Variants in ENOX2 observed in about 807,000 individuals in gnomAD.
ENOX2 encodes ecto-NOX disulfide-thiol exchanger 2, also known as APK1 antigen.
ENOX2 carries 36 observed loss-of-function variants against 45.0 expected under a neutral mutation model. The ratio of observed to expected loss-of-function variants is 0.80; its 90% confidence interval spans 0.61 to 1.06. The LOEUF is 1.06. Ranked by LOEUF, ENOX2 falls within the 50% of genes least tolerant of loss-of-function variation. The probability of loss-of-function intolerance (pLI) is 0.00; values close to 1 mark genes in which losing one functional copy is unlikely to be tolerated. For missense variants in ENOX2, 423 were observed against 462.5 expected (o/e 0.91, Z 0.78); for synonymous variants, 174 against 152.3 (o/e 1.14, Z -1.05).
At chrX:130,827,633 T>C (rs2077742639) in intron 2 of ENOX2, among the ~76,000 whole-genome samples, 2 of 111,917 alleles carry the variant, frequency 1.8e-5, no homozygotes, top group Non-Finnish European at 3.8e-5. Flanking sequence ...ACTTAATAAA[T>C]ATCTGTTGAC....
intron 5 of ENOX2, among the ~76,000 whole-genome samples, chrX:130,682,340 T>C (rs776928626): frequency 1.2e-4 from 13 of 109,136 alleles, no homozygotes; most frequent in Admixed American, 2.9e-4. Flanking sequence ...TTAAAAATTC[T>C]TTGGGGGGCT....
intron 2 of ENOX2, among the ~76,000 whole-genome samples, chrX:130,858,176 G>A (rs1356714658): frequency 9.6e-6 from 1 of 103,944 alleles, no homozygotes; most frequent in Non-Finnish European, 2.0e-5. Flanking sequence ...GTGCAATGGC[G>A]CAATTTCGGC....
At chrX:130,812,988 T>A (rs759548457) in intron 2 of ENOX2, among the ~76,000 whole-genome samples, 118 of 112,113 alleles carry the variant, frequency 1.1e-3, no homozygotes, top group African/African-American at 3.4e-3. Flanking sequence ...AAATCCAAAA[T>A]TTTTTGAGCA....
At chrX:130,670,731 A>C (rs2148127781) in intron 6 of ENOX2, among the ~76,000 whole-genome samples, 1 of 109,449 alleles carries the variant, frequency 9.1e-6, no homozygotes, top group African/African-American at 3.3e-5. Context: ...TTTTTTCTAA[A>C]AAAAAAAAAA....
Position 130,667,649 on chromosome X carries a change from A to G in ENOX2, c.788T>C (p.Met263Thr). The G allele has an allele frequency of 8.3e-7, 1 of 1,211,290 alleles. No individual in the cohort carries two copies. Among genetic ancestry groups the G allele is most frequent in the East Asian group, 3.0e-5 (1 of 33,851 alleles). Residue 263 changes from methionine to threonine, a missense_variant, in exon 8 of 15, where the codon ATG (methionine) becomes ACG (threonine). Coordinates refer to ENST00000394363, the MANE Select transcript of ENOX2 (RefSeq NM_006375.4). ...GACATGGCTGTTGGCCGACTGGATC[A>G]TGGAGTAGAAGTTATTGGCGCTACG... ...NRRSANNFYS[M>T]IQSANSHVRR...
intron 10 of ENOX2, among the ~76,000 whole-genome samples, chrX:130,640,370 C>T (rs986089570): frequency 1.8e-5 from 2 of 112,343 alleles, no homozygotes; most frequent in African/African-American, 6.5e-5. Context: ...GGTGAATCCT[C>T]AAAGACCTAG....
chrX:130,632,131 GT>G (rs1448374925), intron 12 of ENOX2, among the ~76,000 whole-genome samples: 1 of 111,095 alleles, frequency 9.0e-6, no homozygotes, highest in Non-Finnish European at 1.9e-5. Context: ...TCAACTGTTG[GT>G]TTTTGAACTA....
At position 130,838,617 on chromosome X, in the gene ENOX2, ATCTTTGTTTCAT is replaced by A. The variant is rs760539402; in HGVS notation, c.-182-54939_-182-54928del. Among the ~76,000 whole-genome samples the A allele has an allele frequency of 7.3e-4, 81 of 111,681 alleles. 2 individuals carry two copies. The South Asian group carries it at 0.031, about 42-fold the overall frequency. On this transcript the variant is annotated intron_variant, in intron 2 of 14. Coordinates refer to ENST00000394363, the MANE Select transcript of ENOX2 (RefSeq NM_006375.4). ...TGGTAGTGTTTTCCAGCCCCTGGCC[ATCTTTGTTTCAT>A]TCTAGTCTGTCAAGTATCTTTCTTA... is the stretch of plus-strand genomic sequence containing the variant.
intron 2 of ENOX2, among the ~76,000 whole-genome samples, chrX:130,856,854 TA>T (rs762887551): frequency 9.0e-6 from 1 of 111,573 alleles, no homozygotes; most frequent in East Asian, 2.8e-4. Flanking sequence ...AAGAAGTATC[TA>T]AAAAATATAA....
intron 2 of ENOX2, among the ~76,000 whole-genome samples, chrX:130,856,507 G>C (rs978068328): frequency 1.8e-5 from 2 of 111,535 alleles, no homozygotes; most frequent in South Asian, 7.5e-4. Flanking sequence ...GGAGTGGCTT[G>C]ATTCACTATT....
At chrX:130,653,875 G>A (rs764427218) in intron 10 of ENOX2, among the ~76,000 whole-genome samples, 62 of 112,066 alleles carry the variant, frequency 5.5e-4, no homozygotes, top group African/African-American at 1.9e-3. Flanking sequence ...AGGAGAATTA[G>A]TCTAAGTCCA....
At chrX:130,879,201 T>C (rs887188706) in intron 2 of ENOX2, among the ~76,000 whole-genome samples, 2 of 111,716 alleles carry the variant, frequency 1.8e-5, no homozygotes, top group African/African-American at 6.5e-5. Flanking sequence ...GTCAGCAGTC[T>C]CTTAGACTGC....
At chrX:130,863,806 C>A (rs751351539) in intron 2 of ENOX2, among the ~76,000 whole-genome samples, 1 of 111,914 alleles carries the variant, frequency 8.9e-6, no homozygotes, top group East Asian at 2.8e-4. Flanking sequence ...CAATTTCTTA[C>A]CAGTTTAGTC....
At chrX:130,691,536 C>T (rs146063268) in intron 4 of ENOX2, among the ~76,000 whole-genome samples, 439 of 112,056 alleles carry the variant, frequency 3.9e-3, no homozygotes, top group Middle Eastern at 0.019. Context: ...GTTAAGAATG[C>T]CATTTATGTC....
At chrX:130,828,051 C>T (rs1183109298) in intron 2 of ENOX2, among the ~76,000 whole-genome samples, 1 of 112,434 alleles carries the variant, frequency 8.9e-6, no homozygotes, top group Admixed American at 9.5e-5. Context: ...ACCTGCTCAA[C>T]TGCAAATGGT....
intron 3 of ENOX2, chrX:130,709,363 C>T (rs980650590): frequency 9.4e-6 from 9 of 953,118 alleles, no homozygotes; most frequent in African/African-American, 5.7e-5. Context: ...CTCAGCTGGG[C>T]GTGGTAGCTC....
At chrX:130,690,038 A>G (rs1015938001) in intron 4 of ENOX2, among the ~76,000 whole-genome samples, 6 of 111,020 alleles carry the variant, frequency 5.4e-5, no homozygotes, top group Non-Finnish European at 1.1e-4. Flanking sequence ...TGGGGCATCT[A>G]GTTCACTGCA....
intron 2 of ENOX2, among the ~76,000 whole-genome samples, chrX:130,863,873 A>G (rs2078448926): frequency 8.9e-6 from 1 of 111,815 alleles, no homozygotes; most frequent in African/African-American, 3.2e-5. Flanking sequence ...TAGGGGCTAC[A>G]TTTAACTGTA....
intron 2 of ENOX2, among the ~76,000 whole-genome samples, chrX:130,873,784 T>A (rs940681362): frequency 5.6e-5 from 6 of 107,196 alleles, no homozygotes; most frequent in African/African-American, 1.7e-4. Flanking sequence ...CTCAGCAAAC[T>A]AACACAAGAA....
Sources: allele counts gnomAD v4.1 joint callset (sites outside exome capture counted in the v4.1 genomes callset), GRCh38; gene constraint gnomAD v4.1.1; transcripts MANE v1.5; gene names NCBI Gene and HGNC (gene_info 2026-07-23, HGNC 2026-07-21).